JAM3: variants seen among roughly 807,000 people sequenced by gnomAD.
The protein encoded by JAM3 is junctional adhesion molecule C.
A neutral mutation model predicts 39.4 loss-of-function variants in JAM3; 31 were observed. The ratio of observed to expected loss-of-function variants is 0.79; its 90% CI spans 0.59 to 1.06. The LOEUF is 1.06. JAM3 is among the 50% of genes least tolerant of loss of function. The pLI is 0.00. For synonymous variants in JAM3, 182 were observed against 148.7 expected (o/e 1.22, Z -1.63); for missense variants, 455 against 391.4 (o/e 1.16, Z -1.37).
At chr11:134,115,813 T>A (rs1188586872) in intron 1 of JAM3, among the ~76,000 whole-genome samples, 1 of 151,780 alleles carries the variant, frequency 6.6e-6, no homozygotes, top group African/African-American at 2.4e-5. Context: ...GGGAAGATGG[T>A]TTGAGTCCAG....
intron 1 of JAM3, among the ~76,000 whole-genome samples, chr11:134,112,179 C>T (rs11223695): frequency 0.12 from 18,352 of 152,080 alleles, 1,400 homozygotes; most frequent in South Asian, 0.24. Flanking sequence ...CTCTGCCTCC[C>T]GGGTTCAAGG....
At chr11:134,125,837 A>G (rs1241379091) in intron 1 of JAM3, among the ~76,000 whole-genome samples, 1 of 152,166 alleles carries the variant, frequency 6.6e-6, no homozygotes, top group Non-Finnish European at 1.5e-5. Context: ...TTTTTTCTCT[A>G]CATTAGACAT....
At chr11:134,136,810 G>C (rs924222984) in intron 1 of JAM3, among the ~76,000 whole-genome samples, 1 of 152,184 alleles carries the variant, frequency 6.6e-6, no homozygotes, top group Non-Finnish European at 1.5e-5. Context: ...TCAGGCCAAG[G>C]CTTCATTAAG....
At chr11:134,101,300 A>G (rs562271763) in intron 1 of JAM3, among the ~76,000 whole-genome samples, 2 of 152,262 alleles carry the variant, frequency 1.3e-5, no homozygotes, top group African/African-American at 4.8e-5. Flanking sequence ...CAGTTCTATA[A>G]TAATTGCTGT....
intron 1 of JAM3, among the ~76,000 whole-genome samples, chr11:134,089,480 C>T (rs1194308493): frequency 6.6e-6 from 1 of 151,968 alleles, no homozygotes; most frequent in Non-Finnish European, 1.5e-5. Context: ...CACAACAGGC[C>T]CCGGTGTTTG....
intron 8 of JAM3, 64 bp from the exon 9 acceptor site, chr11:134,149,082 T>C: frequency 2.5e-6 from 4 of 1,584,292 alleles, no homozygotes; most frequent in Non-Finnish European, 3.5e-6. Context: ...TTAGACTTAC[T>C]CCGTGTTTTT....
intron 1 of JAM3, among the ~76,000 whole-genome samples, chr11:134,129,011 A>C (rs539751994): frequency 3.9e-5 from 6 of 152,112 alleles, no homozygotes; most frequent in Non-Finnish European, 7.4e-5. Context: ...AGGTGCTGGC[A>C]GGGTTGGTTT....
At chr11:134,106,433 A>G (rs1462461490) in intron 1 of JAM3, among the ~76,000 whole-genome samples, 1 of 152,204 alleles carries the variant, frequency 6.6e-6, no homozygotes, top group East Asian at 1.9e-4. Context: ...GGACATAGGC[A>G]TGGGCAAGGA....
chr11:134,151,467 CTTA>C lies in JAM3; in HGVS notation c.*2288_*2290del, dbSNP rs1943233020. The C allele has an allele frequency of 6.6e-6, 1 of 152,210 alleles. No individual in the cohort carries two copies. The highest frequency in any genetic ancestry group is 1.5e-5 in the Non-Finnish European group (1 of 68,044). The allele number at this position is 152,210 out of a possible 1,614,324, so 9.4% of individuals were successfully genotyped here. ...TAGGGTAGCCTTATTGCCCCCTCTT[CTTA>C]TACCCTAAAACCTTCTACACTAGTG... On this transcript the variant is annotated 3_prime_UTR_variant, in exon 9 of 9. Transcript: ENST00000299106.
intron 1 of JAM3, among the ~76,000 whole-genome samples, chr11:134,089,295 A>G (rs552129827): frequency 5.1e-4 from 77 of 152,146 alleles, no homozygotes; most frequent in African/African-American, 1.7e-3. Context: ...TTTCATTATC[A>G]TATCCTAGGT....
intron 1 of JAM3, among the ~76,000 whole-genome samples, chr11:134,112,707 A>G (rs2120734636): frequency 6.6e-6 from 1 of 152,330 alleles, no homozygotes; most frequent in African/African-American, 2.4e-5. Flanking sequence ...CAGAGGTCAC[A>G]TGGCTACTAA....
At chr11:134,125,387 G>A (rs1022480415) in intron 1 of JAM3, among the ~76,000 whole-genome samples, 2 of 152,132 alleles carry the variant, frequency 1.3e-5, no homozygotes, top group Non-Finnish European at 2.9e-5. Flanking sequence ...TCTCCTTTTA[G>A]GCTTCAAGGT....
At chr11:134,125,236 A>G (rs1467804484) in intron 1 of JAM3, among the ~76,000 whole-genome samples, 3 of 152,014 alleles carry the variant, frequency 2.0e-5, no homozygotes, top group African/African-American at 7.3e-5. Context: ...CTCTCTCTCA[A>G]CTTAGTTCCA....
At chr11:134,094,660 C>G (rs1359790311) in intron 1 of JAM3, among the ~76,000 whole-genome samples, 1 of 69,806 alleles carries the variant, frequency 1.4e-5, no homozygotes, top group Non-Finnish European at 2.7e-5. Flanking sequence ...TTAAATGTCA[C>G]TTCCTGAGGG....
intron 1 of JAM3, among the ~76,000 whole-genome samples, chr11:134,115,691 C>A (rs1355688008): frequency 1.3e-5 from 2 of 151,780 alleles, no homozygotes; most frequent in Non-Finnish European, 2.9e-5. Flanking sequence ...TACTTGAGCC[C>A]AGGAGTTTGA....
intron 1 of JAM3, among the ~76,000 whole-genome samples, chr11:134,085,205 C>T (rs1313303539): frequency 6.6e-6 from 1 of 152,144 alleles, no homozygotes; most frequent in Non-Finnish European, 1.5e-5. Context: ...AGTCAAACTA[C>T]AAGAAAACTT....
chr11:134,115,897 AAAAT>A (rs766174619), intron 1 of JAM3, among the ~76,000 whole-genome samples: 88 of 152,292 alleles, frequency 5.8e-4, no homozygotes, highest in Non-Finnish European at 9.7e-4. Context: ...ACCATGTCTC[AAAAT>A]AAATAAATAA....
chr11:134,142,217 C>T (rs1464749258), intron 3 of JAM3, among the ~76,000 whole-genome samples: 2 of 152,100 alleles, frequency 1.3e-5, no homozygotes, highest in Non-Finnish European at 2.9e-5. Context: ...CCGAGGGAGA[C>T]GGTTTCCCGC....
At chr11:134,146,693 G>T (rs747595242) in intron 6 of JAM3, among the ~76,000 whole-genome samples, 4 of 152,070 alleles carry the variant, frequency 2.6e-5, no homozygotes, top group Non-Finnish European at 5.9e-5. Context: ...TCAGTCTCCT[G>T]AGTAGCTGGA....
Sources: allele counts gnomAD v4.1 joint callset (sites outside exome capture counted in the v4.1 genomes callset), GRCh38; gene constraint gnomAD v4.1.1; transcripts MANE v1.5; gene names NCBI Gene and HGNC (gene_info 2026-07-23, HGNC 2026-07-21).